Variants in SKOR1 observed in about 807,000 individuals in gnomAD.
SKOR1 encodes SKI family transcriptional corepressor 1.
SKOR1 carries 38 observed loss-of-function variants against 72.4 expected under a neutral mutation model. The observed-to-expected ratio is 0.52, with a 90% confidence interval of 0.40 to 0.69. SKOR1 has a LOEUF of 0.69. Among genes scored for constraint, SKOR1 ranks in the 30% least tolerant of loss-of-function variants. The probability of loss-of-function intolerance (pLI) is 0.00; values close to 1 mark genes in which losing one functional copy is unlikely to be tolerated. For synonymous variants in SKOR1, 642 were observed against 599.4 expected, an observed-to-expected ratio of 1.07 and a Z score of -1.04; for missense variants, 1,320 against 1,343.2, an observed-to-expected ratio of 0.98 and a Z score of 0.27.
At position 67,827,276 on chromosome 15, in the gene SKOR1, C is replaced by G. The variant is rs1490840533; in HGVS notation, c.1448C>G (p.Thr483Ser). The stretch of plus-strand genomic sequence containing the variant: ...GTGGCTGCAGCGGCCGCCGCCGCCA[C>G]TGTGTACCCGACGTTTCCCATGTTC... ...AAVAAAAAAATVYPTFPMFWP... is the reference protein window; with the variant it reads ...AAVAAAAAAASVYPTFPMFWP... The change falls in exon 2 of 9, where the codon ACT becomes AGT. Residue 483 changes from threonine to serine, a missense_variant. Thr to Ser is a moderately conservative substitution (Grantham distance 58). Around this residue, in one of 3 missense-constraint regions of SKOR1, gnomAD observed 1,099 missense variants for 1,025.5 expected, o/e 1.07. Transcript: ENST00000380035. 6.3e-7 allele frequency: 1 copy of G among 1,582,030 alleles called. No individual in the cohort carries two copies. The highest frequency in any genetic ancestry group is 8.5e-7 in the Non-Finnish European group (1 of 1,172,360).
intron 2 of SKOR1, 62 bp downstream of exon 2, chr15:67,828,206 G>T: frequency 1.5e-6 from 2 of 1,364,246 alleles, no homozygotes; most frequent in Non-Finnish European, 1.9e-6. Flanking sequence ...CGGCAGGGCT[G>T]CGGGGCCGGG....
At chr15:67,829,918 A>T (rs747809787) in intron 3 of SKOR1, among the ~76,000 whole-genome samples, 1 of 152,068 alleles carries the variant, frequency 6.6e-6, no homozygotes, top group Non-Finnish European at 1.5e-5. Context: ...CGCGCGATGT[A>T]GGTCGCTCGT....
rs1021445837 is a variant in SKOR1 at position 67,834,465 on chromosome 15, C to T, written c.*629C>T. On this transcript the variant is annotated 3_prime_UTR_variant, in exon 9 of 9. Coordinates refer to ENST00000380035, the MANE Select transcript of SKOR1 (RefSeq NM_001365915.1). The surrounding 1 kb of genome is among the most constrained non-coding windows in gnomAD (Gnocchi z 5.8). ...ATGTAACAGCACTTTAAAAGGGCGA[C>T]AACTGACTCACGAGATGGCAACCAC... 2.6e-5 allele frequency: 4 copies of T among 153,408 alleles called. No homozygotes were observed. Among genetic ancestry groups the T allele is most frequent in the African/African-American group, 9.7e-5 (4 of 41,420 alleles). The allele number at this position is 153,408 out of a possible 1,614,324, so 9.5% of individuals were successfully genotyped here.
Position 67,832,518 on chromosome 15 carries a change from G to C in SKOR1, c.2663-89G>C. On this transcript the variant is annotated intron_variant, in intron 6 of 8. Transcript: ENST00000380035. This position sits in a 1 kb window ranked among gnomAD's most constrained non-coding sequence, Gnocchi z 4.5. ...GCGAATGGCTGGGTGGGAGTTGGGG[G>C]TAGGGGTGAAAGGGGGGGCCAGGAG... is the stretch of plus-strand genomic sequence containing the variant. 1 of 1,346,274 alleles carries C rather than the reference G, an allele frequency of 7.4e-7. No individual in the cohort carries two copies. The highest frequency in any genetic ancestry group is 1.1e-6 in the Non-Finnish European group (1 of 950,694). 83.4% of individuals were successfully genotyped at this position (1,346,274 alleles called of 1,614,324 possible).
Position 67,827,278 on chromosome 15 carries a change from G to T in SKOR1, c.1450G>T (p.Val484Leu). 1 of 1,582,112 alleles carries T rather than the reference G, an allele frequency of 6.3e-7. No homozygotes were observed. ...AVAAAAAAAT[V>L]YPTFPMFWPA... is the part of the protein sequence containing the mutation. ...GGCTGCAGCGGCCGCCGCCGCCACT[G>T]TGTACCCGACGTTTCCCATGTTCTG... The change falls in exon 2 of 9, where the codon GTG (valine) becomes TTG (leucine). Residue 484 changes from valine (V) to leucine (L), a missense_variant. Physicochemically the swap from Val to Leu is conservative, Grantham distance 32. This residue lies in a region of SKOR1 where 1,099 missense variants were observed against 1,025.5 expected (regional missense o/e 1.07). Coordinates refer to ENST00000380035, the MANE Select transcript of SKOR1 (RefSeq NM_001365915.1).
rs1463584464 is a variant in SKOR1 at position 67,827,138 on chromosome 15, G to T, written c.1310G>T (p.Gly437Val). ...SGGGGAGTGG[G>V]AGGPGASHLP... ...GGCGGCGGCGCGGGGACAGGCGGGGGTGCGGGGGGCCCGGGAGCCAGCCAC... is the reference window on the plus strand; with the variant it reads ...GGCGGCGGCGCGGGGACAGGCGGGGTTGCGGGGGGCCCGGGAGCCAGCCAC... The change falls in exon 2 of 9, where the codon GGT becomes GTT. Residue 437 changes from glycine (G) to valine (V), a missense_variant. Around this residue, in one of 3 missense-constraint regions of SKOR1, gnomAD observed 1,099 missense variants for 1,025.5 expected, o/e 1.07. Transcript: ENST00000380035. 1 of 1,390,878 alleles carries T rather than the reference G, an allele frequency of 7.2e-7. No homozygotes were observed. Among genetic ancestry groups the T allele is most frequent in the Non-Finnish European group, 9.2e-7 (1 of 1,081,420 alleles). 86.2% of individuals were successfully genotyped at this position (1,390,878 alleles called of 1,614,324 possible).
chr15:67,826,840 G>A lies in SKOR1; in HGVS notation c.1012G>A (p.Gly338Arg), dbSNP rs2090962624. The A allele has an allele frequency of 1.3e-6, 2 of 1,524,470 alleles. No individual in the cohort carries two copies. Among genetic ancestry groups the A allele is most frequent in the Non-Finnish European group, 1.8e-6 (2 of 1,138,632 alleles). 94.4% of individuals were successfully genotyped at this position (1,524,470 alleles called of 1,614,324 possible). ...CGEDEAAGPP[G>R]PPPPHPQRGL... ...CGAAGATGAGGCTGCCGGGCCTCCGGGGCCACCTCCACCCCACCCGCAGCG... is the reference window on the plus strand; with the variant it reads ...CGAAGATGAGGCTGCCGGGCCTCCGAGGCCACCTCCACCCCACCCGCAGCG... The change falls in exon 2 of 9, where the codon GGG becomes AGG. Residue 338 changes from glycine (G) to arginine (R), a missense_variant. Coordinates refer to ENST00000380035, the MANE Select transcript of SKOR1 (RefSeq NM_001365915.1).
intron 3 of SKOR1, 33 bp downstream of exon 3, chr15:67,829,302 T>C (rs2090990448): frequency 6.7e-7 from 1 of 1,502,026 alleles, no homozygotes; most frequent in African/African-American, 1.4e-5. Flanking sequence ...GCCACTGTAA[T>C]GGGGGAACCG....
In SKOR1 at chr15:67,828,074, C is replaced by A; in HGVS notation, c.2246C>A (p.Pro749Gln). 1 of 1,528,016 alleles carries A rather than the reference C, an allele frequency of 6.5e-7. No individual in the cohort carries two copies. The highest frequency in any genetic ancestry group is 1.2e-5 in the South Asian group (1 of 82,596). The allele number at this position is 1,528,016 out of a possible 1,614,324, so 94.7% of individuals were successfully genotyped here. ...EDLVRRPERS[P>Q]PSGGGGYELR... ...TTGGTGCGGAGACCTGAGAGGAGCC[C>A]GCCAAGCGGCGGCGGCGGCTACGAG... The change falls in exon 2 of 9, where the codon CCG becomes CAG. Residue 749 changes from proline to glutamine, a missense_variant. Transcript: ENST00000380035.
rs912079671 is a variant in SKOR1, at chr15:67,832,235, T to C, written c.2588-39T>C. Reference sequence around the variant, plus strand: ...AACCTGAGCTCCAAATAACCCTGCTTTACCTCCCACTTTACCTCCCACTTT... The same window carrying C: ...AACCTGAGCTCCAAATAACCCTGCTCTACCTCCCACTTTACCTCCCACTTT... On this transcript the variant is annotated intron_variant, in intron 5 of 8. Coordinates refer to ENST00000380035, the MANE Select transcript of SKOR1 (RefSeq NM_001365915.1). This position sits in a 1 kb window ranked among gnomAD's most constrained non-coding sequence, Gnocchi z 4.5. The C allele has an allele frequency of 1.5e-5, 24 of 1,600,338 alleles. No individual in the cohort carries two copies. Among genetic ancestry groups the C allele is most frequent in the Non-Finnish European group, 1.9e-5 (22 of 1,167,944 alleles).
At chr15:67,828,844 G>A (rs959827212) in intron 2 of SKOR1, among the ~76,000 whole-genome samples, 1 of 152,240 alleles carries the variant, frequency 6.6e-6, no homozygotes, top group African/African-American at 2.4e-5. Flanking sequence ...TTAACCGGAT[G>A]CGAAAGGCGT....
Position 67,833,933 on chromosome 15 carries a change from C to T in SKOR1, c.*97C>T. 7.4e-7 allele frequency: 1 copy of T among 1,344,530 alleles called. No individual in the cohort carries two copies. Among genetic ancestry groups the T allele is most frequent in the Non-Finnish European group, 1.1e-6 (1 of 952,092 alleles). The allele number at this position is 1,344,530 out of a possible 1,614,324, so 83.3% of individuals were successfully genotyped here. A position where few individuals can be genotyped will look rare whatever the true frequency, so the allele number is the denominator to read the frequency against. Reference sequence around the variant, plus strand: ...CTGAGCGAGGAACAAGCCATTCGGACCCGACCGATGTAAATACAGCCGCCC... The same window carrying T: ...CTGAGCGAGGAACAAGCCATTCGGATCCGACCGATGTAAATACAGCCGCCC... On this transcript the variant is annotated 3_prime_UTR_variant, in exon 9 of 9. Transcript: ENST00000380035. This position sits in a 1 kb window ranked among gnomAD's most constrained non-coding sequence, Gnocchi z 6.0.
rs187029606 is a variant in SKOR1 at position 67,832,846 on chromosome 15, C to T, written c.2737+165C>T. The T allele has an allele frequency of 5.8e-5, 37 of 637,210 alleles. No homozygotes were observed. In the African/African-American group the frequency reaches 6.2e-4, roughly 11 times the overall value. 39.5% of individuals were successfully genotyped at this position (637,210 alleles called of 1,614,324 possible). ...CTCTGATTAGCCTCAGAATGGCAAG[C>T]GAGCCCAGCAAACGGCTTGCAGGCA... On this transcript the variant is annotated intron_variant, in intron 7 of 8. Coordinates refer to ENST00000380035, the MANE Select transcript of SKOR1 (RefSeq NM_001365915.1). This position sits in a 1 kb window ranked among gnomAD's most constrained non-coding sequence, Gnocchi z 4.5.
chr15:67,830,363 G>A, intron 4 of SKOR1, 65 bp downstream of exon 4: 1 of 1,388,446 alleles, frequency 7.2e-7, no homozygotes, highest in Non-Finnish European at 1.0e-6. Flanking sequence ...GGTCGCCCAG[G>A]TTCCCAGAGG....
Position 67,833,973 on chromosome 15 carries a change from C to A in SKOR1, c.*137C>A. The A allele has an allele frequency of 1.0e-6, 1 of 963,566 alleles. No homozygotes were observed. Among genetic ancestry groups the A allele is most frequent in the Non-Finnish European group, 1.6e-6 (1 of 627,464 alleles). The allele number at this position is 963,566 out of a possible 1,614,324, so 59.7% of individuals were successfully genotyped here. A position where few individuals can be genotyped will look rare whatever the true frequency, so the allele number is the denominator to read the frequency against. Reference sequence around the variant, plus strand: ...TACAGCCGCCCGTCCGCCCGCCTTCCTCCCGGGCTCCCCGGCCTTGCCCGC... The same window carrying A: ...TACAGCCGCCCGTCCGCCCGCCTTCATCCCGGGCTCCCCGGCCTTGCCCGC... On this transcript the variant is annotated 3_prime_UTR_variant, in exon 9 of 9. Transcript: ENST00000380035. This position sits in a 1 kb window ranked among gnomAD's most constrained non-coding sequence, Gnocchi z 6.0.
At position 67,832,791 on chromosome 15, in the gene SKOR1, A is replaced by G; in HGVS notation, c.2737+110A>G. 1 of 918,520 alleles carries G rather than the reference A, an allele frequency of 1.1e-6. No individual in the cohort carries two copies. Among genetic ancestry groups the G allele is most frequent in the East Asian group, 2.6e-5 (1 of 38,172 alleles). The allele number at this position is 918,520 out of a possible 1,614,324, so 56.9% of individuals were successfully genotyped here. A position where few individuals can be genotyped will look rare whatever the true frequency, so the allele number is the denominator to read the frequency against. On this transcript the variant is annotated intron_variant, in intron 7 of 8. Coordinates refer to ENST00000380035, the MANE Select transcript of SKOR1 (RefSeq NM_001365915.1). This position sits in a 1 kb window ranked among gnomAD's most constrained non-coding sequence, Gnocchi z 4.5. Reference sequence around the variant, plus strand: ...GATTTAAATTGAAGGTAATTTAACAATTATTTTTTTATTTAATATGCTTTG... The same window carrying G: ...GATTTAAATTGAAGGTAATTTAACAGTTATTTTTTTATTTAATATGCTTTG...
chr15:67,829,408 G>T, intron 3 of SKOR1, 139 bp downstream of exon 3: 1 of 779,406 alleles, frequency 1.3e-6, no homozygotes, highest in South Asian at 2.0e-5. Flanking sequence ...ATGAAAACAA[G>T]GAAGCTAAGC....
rs914369615 is a variant in SKOR1, at chr15:67,833,402, A to G, written c.2803+145A>G. 7.6e-6 allele frequency: 7 copies of G among 926,482 alleles called. No individual in the cohort carries two copies. The Admixed American group carries it at 1.0e-4, about 13-fold the overall frequency. The allele number at this position is 926,482 out of a possible 1,614,324, so 57.4% of individuals were successfully genotyped here. ...AGGGAGAAAAGTGGGAACTGATTTT[A>G]ACGGGAAGATTATTCTAGGATGGTG... is the stretch of plus-strand genomic sequence containing the variant. On this transcript the variant is annotated intron_variant, in intron 8 of 8. Transcript: ENST00000380035. This position sits in a 1 kb window ranked among gnomAD's most constrained non-coding sequence, Gnocchi z 6.0.
chr15:67,827,635 G>A lies in SKOR1; in HGVS notation c.1807G>A (p.Glu603Lys), dbSNP rs1219321230. 4.6e-6 allele frequency: 7 copies of A among 1,531,144 alleles called. No individual in the cohort carries two copies. In the African/African-American group the frequency reaches 5.5e-5, roughly 12 times the overall value. 94.8% of individuals were successfully genotyped at this position (1,531,144 alleles called of 1,614,324 possible). Residue 603 changes from glutamate to lysine, a missense_variant, in exon 2 of 9, where the codon GAG (glutamate) becomes AAG (lysine). Glu to Lys is a moderately conservative substitution (Grantham distance 56). Coordinates refer to ENST00000380035, the MANE Select transcript of SKOR1 (RefSeq NM_001365915.1). ...CTTCCGGCCGGTGGTCAAGGACACC[G>A]AGAGCATCGCTAAGCTCTACGGGAG... ...SAFRPVVKDT[E>K]SIAKLYGSAR...
Sources: allele counts gnomAD v4.1 joint callset (sites outside exome capture counted in the v4.1 genomes callset), GRCh38; gene constraint gnomAD v4.1.1; regional missense constraint gnomAD v4.1.1; non-coding constraint Gnocchi (gnomAD v3.1); transcripts MANE v1.5; gene names NCBI Gene and HGNC (gene_info 2026-07-23, HGNC 2026-07-21).